SEC11A: variants seen among roughly 807,000 people sequenced by gnomAD.
SEC11A encodes signal peptidase complex catalytic subunit SEC11A.
Under a neutral mutation model 25.6 loss-of-function variants are expected in SEC11A, and 14 were observed. That is an observed-to-expected ratio of 0.55 (90% confidence interval 0.36 to 0.85). The LOEUF is 0.85. SEC11A is among the 40% of genes least tolerant of loss of function. SEC11A has a pLI of 0.01. For missense variants in SEC11A, 153 were observed against 222.9 expected, an observed-to-expected ratio of 0.69 and a Z score of 2.00; for synonymous variants, 83 against 76.4, an observed-to-expected ratio of 1.09 and a Z score of -0.45.
Position 84,669,830 on chromosome 15 carries a change from T to C in SEC11A, c.*189A>G. ...TCCTGTGACTGAAAGTCCCCTCGAG[T>C]GCACTCTGTGGTGCACATGCGCCCG... On this transcript the variant is annotated 3_prime_UTR_variant, in exon 6 of 6. Transcript: ENST00000268220. The C allele has an allele frequency of 1.2e-6, 1 of 842,602 alleles. No individual in the cohort carries two copies. Among genetic ancestry groups the C allele is most frequent in the Non-Finnish European group, 1.7e-6 (1 of 576,122 alleles). 52.2% of individuals were successfully genotyped at this position (842,602 alleles called of 1,614,324 possible). A position where few individuals can be genotyped will look rare whatever the true frequency, so the allele number is the denominator to read the frequency against.
intron 1 of SEC11A, among the ~76,000 whole-genome samples, chr15:84,704,226 G>C (rs1898031069): frequency 6.6e-6 from 1 of 152,204 alleles, no homozygotes; most frequent in South Asian, 2.1e-4. Context: ...CACCATCCAT[G>C]ATCTTACAGA....
At chr15:84,693,323 A>G (rs1275014778) in intron 1 of SEC11A, among the ~76,000 whole-genome samples, 1 of 151,336 alleles carries the variant, frequency 6.6e-6, no homozygotes, top group African/African-American at 2.4e-5. Context: ...CTAATAATGC[A>G]CAAACTTTGG....
chr15:84,671,002 T>G lies in SEC11A; in HGVS notation c.432-220A>C, dbSNP rs573785825. 1.1e-5 allele frequency: 4 copies of G among 365,706 alleles called. No individual in the cohort carries two copies. The East Asian group carries it at 2.0e-4, about 18-fold the overall frequency. 22.7% of individuals were successfully genotyped at this position (365,706 alleles called of 1,614,324 possible). A position where few individuals can be genotyped will look rare whatever the true frequency, so the allele number is the denominator to read the frequency against. On this transcript the variant is annotated intron_variant, in intron 4 of 5. Coordinates refer to ENST00000268220, the MANE Select transcript of SEC11A (RefSeq NM_014300.4). ...AGGAAACAGATGATCATGCCCAAGG[T>G]ACATGGTTTCTGTGTGGCAGAACCA... is the stretch of plus-strand genomic sequence containing the variant.
chr15:84,672,196 C>G, intron 4 of SEC11A: 1 of 157,306 alleles, frequency 6.4e-6, no homozygotes, highest in Non-Finnish European at 1.4e-5. Flanking sequence ...ACACATTTCA[C>G]TTCCCTTTAA....
At position 84,716,025 on chromosome 15, in the gene SEC11A, C is replaced by T. The variant is rs755368616; in HGVS notation, c.51G>A (p.Gln17=). ...AGAAAAAGAGGACGGACAAGCTCACCTGCCGCTTGTTCATCCGCCGCACAT... is the reference window on the plus strand; with the variant it reads ...AGAAAAAGAGGACGGACAAGCTCACTTGCCGCTTGTTCATCCGCCGCACAT... ...LDDVRRMNKR[Q]LYYQVLNFGM... is the part of the protein sequence containing the mutation. Residue 17 remains glutamine, a splice_region_variant and synonymous_variant, in exon 1 of 6, where the codon CAG becomes CAA. Coordinates refer to ENST00000268220, the MANE Select transcript of SEC11A (RefSeq NM_014300.4). The T allele has an allele frequency of 6.2e-7, 1 of 1,613,424 alleles. No individual in the cohort carries two copies. Among genetic ancestry groups the T allele is most frequent in the African/African-American group, 1.3e-5 (1 of 75,052 alleles).
At chr15:84,670,519 G>A (rs916935880) in intron 5 of SEC11A, 22 of 346,026 alleles carry the variant, frequency 6.4e-5, no homozygotes, top group East Asian at 3.6e-4. Context: ...GATTACAGGC[G>A]TGAGCCACTG....
intron 4 of SEC11A, among the ~76,000 whole-genome samples, chr15:84,677,794 C>A (rs1470886293): frequency 6.6e-6 from 1 of 152,048 alleles, no homozygotes; most frequent in Non-Finnish European, 1.5e-5. Flanking sequence ...CAAAAATTGT[C>A]CAGAAGACAA....
At chr15:84,707,346 C>T (rs1898126880) in intron 1 of SEC11A, among the ~76,000 whole-genome samples, 1 of 151,830 alleles carries the variant, frequency 6.6e-6, no homozygotes, top group African/African-American at 2.4e-5. Flanking sequence ...CCACCAGGCT[C>T]AGCTAATTTT....
chr15:84,670,225 T>A, intron 5 of SEC11A, 156 bp from the exon 6 acceptor site: 1 of 522,934 alleles, frequency 1.9e-6, no homozygotes, highest in Non-Finnish European at 3.2e-6. Context: ...TTTCCAATAC[T>A]AAGCAAAATA....
intron 1 of SEC11A, among the ~76,000 whole-genome samples, chr15:84,707,070 A>AT (rs1898116313): frequency 6.6e-6 from 1 of 151,892 alleles, no homozygotes; most frequent in African/African-American, 2.4e-5. Flanking sequence ...GCAAGCTTAG[A>AT]TCTGTCCACC....
At chr15:84,682,372 T>G (rs1897303249) in intron 3 of SEC11A, among the ~76,000 whole-genome samples, 1 of 152,150 alleles carries the variant, frequency 6.6e-6, no homozygotes, top group Non-Finnish European at 1.5e-5. Context: ...TAGGAAAAAA[T>G]GTTAGCTTTC....
At chr15:84,708,230 A>G (rs1213627406) in intron 1 of SEC11A, among the ~76,000 whole-genome samples, 3 of 150,992 alleles carry the variant, frequency 2.0e-5, no homozygotes, top group African/African-American at 7.3e-5. Context: ...AAAAAAAAAA[A>G]AGAATATACC....
intron 1 of SEC11A, chr15:84,691,998 G>C: frequency 6.3e-6 from 1 of 159,146 alleles, no homozygotes; most frequent in Non-Finnish European, 1.4e-5. Flanking sequence ...CTCTGCTTCT[G>C]AACTCCTCTA....
chr15:84,670,336 A>G, intron 5 of SEC11A: 1 of 313,438 alleles, frequency 3.2e-6, no homozygotes, highest in Non-Finnish European at 5.9e-6. Flanking sequence ...TATCATATTC[A>G]AGCAATTCTC....
intron 2 of SEC11A, among the ~76,000 whole-genome samples, chr15:84,689,703 G>C (rs954501434): frequency 6.6e-6 from 1 of 151,104 alleles, no homozygotes; most frequent in African/African-American, 2.4e-5. Flanking sequence ...CGCCTCCTAG[G>C]TTCAAGCAAT....
chr15:84,690,142 T>C (rs1272378299), intron 2 of SEC11A, among the ~76,000 whole-genome samples: 1 of 152,132 alleles, frequency 6.6e-6, no homozygotes, highest in African/African-American at 2.4e-5. Flanking sequence ...TCATCTTGAA[T>C]TCCCACGTGT....
At chr15:84,679,714 G>A (rs924135052) in intron 4 of SEC11A, among the ~76,000 whole-genome samples, 1 of 152,194 alleles carries the variant, frequency 6.6e-6, no homozygotes, top group African/African-American at 2.4e-5. Context: ...ACGACCATCA[G>A]TATAATCTTA....
intron 1 of SEC11A, among the ~76,000 whole-genome samples, chr15:84,693,078 C>T (rs1897656291): frequency 6.6e-6 from 1 of 152,156 alleles, no homozygotes; most frequent in African/African-American, 2.4e-5. Flanking sequence ...CTACTTCAGC[C>T]TCCCAAAGGG....
intron 1 of SEC11A, among the ~76,000 whole-genome samples, chr15:84,695,088 T>TAAAAAAAA (rs55789527): frequency 1.5e-4 from 4 of 26,910 alleles, no homozygotes; most frequent in African/African-American, 4.8e-4. Context: ...AGACTCCATC[T>TAAAAAAAA]AAAAAAAAAA....
Sources: gnomAD v4.1 joint callset for allele counts (sites outside exome capture counted in the v4.1 genomes callset) on GRCh38, gnomAD v4.1.1 for gene constraint, MANE v1.5 for transcripts, NCBI Gene and HGNC (gene_info 2026-07-23, HGNC 2026-07-21) for gene names.